Variants in FBXL5 observed in about 807,000 individuals in gnomAD.
FBXL5 encodes F-box and leucine rich repeat protein 5, also known as F-box/LRR-repeat protein 5.
In FBXL5, 26 loss-of-function variants were observed where a neutral mutation model predicts 78.3. The ratio of observed to expected loss-of-function variants is 0.33; its 90% CI spans 0.24 to 0.46. The LOEUF is 0.46. Ranked by LOEUF, FBXL5 falls within the 20% of genes least tolerant of loss-of-function variation. The pLI is 1.00. For missense variants in FBXL5, 710 were observed against 829.2 expected (o/e 0.86, Z 1.77); for synonymous variants, 295 against 282.5 (o/e 1.04, Z -0.45).
intron 9 of FBXL5, among the ~76,000 whole-genome samples, chr4:15,615,289 G>A (rs1450309756): frequency 6.6e-6 from 1 of 152,156 alleles, no homozygotes; most frequent in Non-Finnish European, 1.5e-5. Flanking sequence ...CCCAAGGGCT[G>A]AGGAGTGCAA....
At chr4:15,643,662 C>T (rs1376504014) in intron 2 of FBXL5, among the ~76,000 whole-genome samples, 1 of 152,200 alleles carries the variant, frequency 6.6e-6, no homozygotes, top group Non-Finnish European at 1.5e-5. Context: ...TAGCCTCGGC[C>T]TCCCAGAGTG....
chr4:15,649,597 A>AAAG (rs1197425189), intron 1 of FBXL5, among the ~76,000 whole-genome samples: 3 of 146,942 alleles, frequency 2.0e-5, no homozygotes, highest in Non-Finnish European at 3.0e-5. Flanking sequence ...AAAAAAAAAA[A>AAAG]GAAAGAAAGA....
chr4:15,634,973 G>T (rs13328011), intron 5 of FBXL5, among the ~76,000 whole-genome samples: 6,178 of 151,950 alleles, frequency 0.041, 395 homozygotes, highest in African/African-American at 0.14. Context: ...TTATTTAGAC[G>T]ATATAAGTCT....
chr4:15,637,895 GTT>G (rs200999923), intron 4 of FBXL5, among the ~76,000 whole-genome samples: 30 of 123,892 alleles, frequency 2.4e-4, no homozygotes, highest in African/African-American at 8.2e-4. Flanking sequence ...TGAGGAACTA[GTT>G]TTTTTAAAAA....
At chr4:15,620,029 A>G (rs1207778220) in intron 9 of FBXL5, among the ~76,000 whole-genome samples, 2 of 152,142 alleles carry the variant, frequency 1.3e-5, no homozygotes, top group Non-Finnish European at 2.9e-5. Flanking sequence ...TGATCATGTC[A>G]CTGCACTCCA....
At chr4:15,638,453 A>G in intron 4 of FBXL5, 55 bp downstream of exon 4, 5 of 1,322,402 alleles carry the variant, frequency 3.8e-6, no homozygotes, top group Non-Finnish European at 5.1e-6. Flanking sequence ...TCATATCAGT[A>G]AGATGTCAAT....
At chr4:15,618,775 G>A (rs927703892) in intron 9 of FBXL5, among the ~76,000 whole-genome samples, 2 of 152,178 alleles carry the variant, frequency 1.3e-5, no homozygotes, top group South Asian at 2.1e-4. Flanking sequence ...CCAGGAGGCG[G>A]AGGTTACAGT....
chr4:15,671,090 A>G (rs1359930979), intron 1 of FBXL5, among the ~76,000 whole-genome samples: 1 of 151,252 alleles, frequency 6.6e-6, no homozygotes, highest in African/African-American at 2.4e-5. Context: ...CACCCAGCTA[A>G]TTTTTGTATT....
At position 15,655,300 on chromosome 4, in the gene FBXL5, AGCCTCCGCCTCAGCAGCCGCG is replaced by A. The variant is rs994000890; in HGVS notation, c.-34_-14del. On this transcript the variant is annotated 5_prime_UTR_variant, in exon 1 of 11. Transcript: ENST00000341285. Reference sequence around the variant, plus strand: ...GAAAGGGCGCCATCGCCACTGCCTCAGCCTCCGCCTCAGCAGCCGCGGCCGCCGCCTCTCCATAGACACCCT... The same window carrying A: ...GAAAGGGCGCCATCGCCACTGCCTCAGCCGCCGCCTCTCCATAGACACCCT... The A allele has an allele frequency of 7.2e-7, 1 of 1,395,112 alleles. No homozygotes were observed. The highest frequency in any genetic ancestry group is 9.5e-7 in the Non-Finnish European group (1 of 1,050,702). 86.4% of individuals were successfully genotyped at this position (1,395,112 alleles called of 1,614,324 possible). A position where few individuals can be genotyped will look rare whatever the true frequency, so the allele number is the denominator to read the frequency against.
intron 7 of FBXL5, among the ~76,000 whole-genome samples, 174 bp from the exon 8 acceptor site, chr4:15,627,129 CTCTTTTT>C (rs1184467196): frequency 2.3e-5 from 2 of 85,660 alleles, no homozygotes; most frequent in Non-Finnish European, 4.5e-5. Flanking sequence ...CCCTGAGAAT[CTCTTTTT>C]TTTTTTTTTT....
intron 1 of FBXL5, among the ~76,000 whole-genome samples, chr4:15,646,335 G>A (rs1338197400): frequency 6.6e-6 from 1 of 151,252 alleles, no homozygotes; most frequent in East Asian, 1.9e-4. Context: ...AAAAAACACA[G>A]GCAGGACATA....
At chr4:15,668,576 G>C (rs1346228693) in intron 1 of FBXL5, among the ~76,000 whole-genome samples, 1 of 151,716 alleles carries the variant, frequency 6.6e-6, no homozygotes, top group Non-Finnish European at 1.5e-5. Context: ...AAAGAAAAAA[G>C]GAAGTATAAA....
intron 9 of FBXL5, among the ~76,000 whole-genome samples, chr4:15,615,857 G>GC: frequency 6.6e-6 from 1 of 152,230 alleles, no homozygotes; most frequent in South Asian, 2.1e-4. Flanking sequence ...GGCTGCCCAA[G>GC]CCAGCATTGG....
intron 9 of FBXL5, among the ~76,000 whole-genome samples, chr4:15,621,785 A>G (rs959745391): frequency 2.0e-5 from 3 of 152,184 alleles, no homozygotes; most frequent in African/African-American, 7.2e-5. Context: ...TCTGTTCCCT[A>G]TGGTTTCAAA....
intron 4 of FBXL5, among the ~76,000 whole-genome samples, chr4:15,638,295 T>A (rs896333707): frequency 6.6e-6 from 1 of 152,196 alleles, no homozygotes; most frequent in African/African-American, 2.4e-5. Context: ...ACTGAATATG[T>A]CCCAAGTATA....
At chr4:15,659,931 G>A (rs1416462907), upstream of FBXL5, 2 of 152,986 alleles carry the variant, frequency 1.3e-5, no homozygotes, top group Non-Finnish European at 2.9e-5. Context: ...TTCTGGAATG[G>A]AAAGAAATGA....
chr4:15,625,309 C>T lies in FBXL5; in HGVS notation c.1793G>A (p.Arg598His). 6.2e-7 allele frequency: 1 copy of T among 1,614,066 alleles called. No homozygotes were observed. Among genetic ancestry groups the T allele is most frequent in the Non-Finnish European group, 8.5e-7 (1 of 1,179,966 alleles). The change falls in exon 9 of 11, where the codon CGT becomes CAT. Residue 598 changes from arginine to histidine, a missense_variant. Transcript: ENST00000341285. ...AGATAAACTGAGAAACAGAAGTACA[C>T]GTCCAGTCTCTTGATCAGATTTTTC... ...GSEKSDQETGRVLLFLSLSGC... is the reference protein window; with the variant it reads ...GSEKSDQETGHVLLFLSLSGC...
intron 8 of FBXL5, 58 bp from the exon 9 acceptor site, chr4:15,626,035 A>C: frequency 7.0e-7 from 1 of 1,420,788 alleles, no homozygotes; most frequent in Non-Finnish European, 9.3e-7. Context: ...AAAGCATTTG[A>C]CTATATGCAT....
At chr4:15,620,504 ACT>A (rs1712367813) in intron 9 of FBXL5, among the ~76,000 whole-genome samples, 1 of 152,250 alleles carries the variant, frequency 6.6e-6, no homozygotes, top group Non-Finnish European at 1.5e-5. Context: ...AAGTTGGAAA[ACT>A]CACACCTCTT....
Sources: gnomAD v4.1 joint callset for allele counts (sites outside exome capture counted in the v4.1 genomes callset) on GRCh38, gnomAD v4.1.1 for gene constraint, MANE v1.5 for transcripts, NCBI Gene and HGNC (gene_info 2026-07-23, HGNC 2026-07-21) for gene names.